CRACR2A: variants seen among roughly 807,000 people sequenced by gnomAD.
CRACR2A encodes EF-hand calcium-binding domain-containing protein 4B.
Under a neutral mutation model 90.5 loss-of-function variants are expected in CRACR2A, and 79 were observed. That is an observed-to-expected ratio of 0.87 (90% confidence interval 0.73 to 1.05). CRACR2A has a LOEUF of 1.05. Ranked by LOEUF, CRACR2A falls within the 50% of genes least tolerant of loss-of-function variation. CRACR2A has a pLI of 0.00. For synonymous variants in CRACR2A, 338 were observed against 356.7 expected, an observed-to-expected ratio of 0.95 and a Z score of 0.59; for missense variants, 823 against 897.2, an observed-to-expected ratio of 0.92 and a Z score of 1.06.
At chr12:3,637,026 CTAT>C (rs1944466862) in intron 14 of CRACR2A, among the ~76,000 whole-genome samples, 2 of 152,206 alleles carry the variant, frequency 1.3e-5, no homozygotes, top group African/African-American at 4.8e-5. Context: ...CTCGAGGGGC[CTAT>C]TCCGAGGCCT....
At chr12:3,659,734 C>T in intron 7 of CRACR2A, 80 bp from the exon 8 acceptor site, 1 of 1,139,874 alleles carries the variant, frequency 8.8e-7, no homozygotes, top group Non-Finnish European at 1.3e-6. Flanking sequence ...GACACCAGTT[C>T]CCCAACTCTG....
intron 1 of CRACR2A, among the ~76,000 whole-genome samples, chr12:3,735,736 A>C (rs1385337944): frequency 3.3e-5 from 5 of 152,120 alleles, no homozygotes; most frequent in African/African-American, 4.8e-5. Flanking sequence ...GGTGGTTCTC[A>C]CAGTGGCCGT....
chr12:3,634,222 C>T lies in CRACR2A; in HGVS notation c.1603-486G>A, dbSNP rs375464713. On this transcript the variant is annotated intron_variant, in intron 14 of 19. Coordinates refer to ENST00000440314, the MANE Select transcript of CRACR2A (RefSeq NM_001144958.2). ...CTTATCCACATCACAGGGACAGAGA[C>T]GTCCCAGGTTGGGACAGGGAGCTCC... is the stretch of plus-strand genomic sequence containing the variant. 1.3e-4 allele frequency among the ~76,000 whole-genome samples: 20 copies of T among 152,316 alleles called. No individual in the cohort carries two copies. The South Asian group carries it at 2.5e-3, about 19-fold the overall frequency.
At position 3,697,499 on chromosome 12, in the gene CRACR2A, A is replaced by C. The variant is rs74616123; in HGVS notation, c.-36-464T>G. Among the ~76,000 whole-genome samples the C allele has an allele frequency of 1.2e-3, 179 of 152,310 alleles. 4 individuals carry two copies. The East Asian group carries it at 0.033, about 28-fold the overall frequency. Reference sequence around the variant, plus strand: ...TAGCAGTGTGAAAACTGAGGCTCAGAGAGGTTGCGTGACTTGCCCAATATC... The same window carrying C: ...TAGCAGTGTGAAAACTGAGGCTCAGCGAGGTTGCGTGACTTGCCCAATATC... On this transcript the variant is annotated intron_variant, in intron 3 of 19. Coordinates refer to ENST00000440314, the MANE Select transcript of CRACR2A (RefSeq NM_001144958.2).
At chr12:3,696,434 T>A (rs952787819) in intron 4 of CRACR2A, among the ~76,000 whole-genome samples, 3 of 152,216 alleles carry the variant, frequency 2.0e-5, no homozygotes, top group African/African-American at 7.2e-5. Context: ...ACGACTTTGT[T>A]ATAACTCAAG....
chr12:3,669,984 G>A lies in CRACR2A; in HGVS notation c.671+3462C>T, dbSNP rs377755752. ...TAGAGGCTATGCTGCCCATGGCAACGCTGTCTAATGTTTCATTTGCAGGAG... is the reference window on the plus strand; with the variant it reads ...TAGAGGCTATGCTGCCCATGGCAACACTGTCTAATGTTTCATTTGCAGGAG... On this transcript the variant is annotated intron_variant, in intron 7 of 19. Coordinates refer to ENST00000440314, the MANE Select transcript of CRACR2A (RefSeq NM_001144958.2). 2.6e-5 allele frequency among the ~76,000 whole-genome samples: 4 copies of A among 152,354 alleles called. No homozygotes were observed. The East Asian group carries it at 7.7e-4, about 29-fold the overall frequency.
In CRACR2A at chr12:3,633,968, C is replaced by T. The variant is rs748307704; in HGVS notation, c.1603-232G>A. ...GAGGAAGGAGAAACAGCCACCCAAGCGACATTTGCTGTCTGCCTCCTGTGG... is the reference window on the plus strand; with the variant it reads ...GAGGAAGGAGAAACAGCCACCCAAGTGACATTTGCTGTCTGCCTCCTGTGG... On this transcript the variant is annotated intron_variant, in intron 14 of 19. Transcript: ENST00000440314. The surrounding 1 kb of genome is among the most constrained non-coding windows in gnomAD (Gnocchi z 4.5). Among the ~76,000 whole-genome samples, 20 of 152,196 alleles carry T rather than the reference C, an allele frequency of 1.3e-4. No individual in the cohort carries two copies. The highest frequency in any genetic ancestry group is 2.5e-4 in the Non-Finnish European group (17 of 68,034).
chr12:3,722,928 T>TGGA (rs1946205984), intron 2 of CRACR2A, among the ~76,000 whole-genome samples: 1 of 152,242 alleles, frequency 6.6e-6, no homozygotes, highest in Non-Finnish European at 1.5e-5. Context: ...CTTCATCTAT[T>TGGA]TCCTTACCCT....
chr12:3,737,629 A>G (rs1946466315), intron 1 of CRACR2A, among the ~76,000 whole-genome samples: 1 of 152,192 alleles, frequency 6.6e-6, no homozygotes, highest in Non-Finnish European at 1.5e-5. Context: ...AAGTAGGTGC[A>G]GGTAAAGAGA....
At chr12:3,714,024 A>G (rs1946045991) in intron 2 of CRACR2A, among the ~76,000 whole-genome samples, 1 of 152,240 alleles carries the variant, frequency 6.6e-6, no homozygotes, top group African/African-American at 2.4e-5. Context: ...GGGATTATCT[A>G]TTGTATAATG....
intron 4 of CRACR2A, among the ~76,000 whole-genome samples, chr12:3,688,625 T>C (rs1945604607): frequency 6.6e-6 from 1 of 152,252 alleles, no homozygotes; most frequent in Non-Finnish European, 1.5e-5. Flanking sequence ...GGTAATGTTA[T>C]GCCTCCAGCT....
intron 7 of CRACR2A, among the ~76,000 whole-genome samples, chr12:3,662,698 A>G (rs576338329): frequency 6.6e-6 from 1 of 152,358 alleles, no homozygotes; most frequent in South Asian, 2.1e-4. Context: ...AGTGCCTGTC[A>G]GACCAATCCA....
chr12:3,648,734 GCCT>G lies in CRACR2A; in HGVS notation c.1047-124_1047-122del, dbSNP rs780925541. ...GGATGGAGGGCATTGGAGGAACGTG[GCCT>G]CCTCCTGGAGAGCTCCTACAGTATG... On this transcript the variant is annotated intron_variant, in intron 10 of 19. Transcript: ENST00000440314. The G allele has an allele frequency of 8.0e-4, 1,114 of 1,388,764 alleles. 1 individual carries two copies. The highest frequency in any genetic ancestry group is 9.7e-4 in the Non-Finnish European group (998 of 1,032,138). The allele number at this position is 1,388,764 out of a possible 1,614,324, so 86.0% of individuals were successfully genotyped here.
chr12:3,663,247 G>A (rs776060640), intron 7 of CRACR2A, among the ~76,000 whole-genome samples: 8 of 151,666 alleles, frequency 5.3e-5, no homozygotes, highest in Non-Finnish European at 1.2e-4. Context: ...GGACCATTTC[G>A]AGGGAATACT....
At chr12:3,706,295 T>C (rs1284470996) in intron 3 of CRACR2A, among the ~76,000 whole-genome samples, 1 of 152,206 alleles carries the variant, frequency 6.6e-6, no homozygotes, top group African/African-American at 2.4e-5. Flanking sequence ...CTCACAGGGC[T>C]GCTCTCTCCA....
At chr12:3,731,795 C>A (rs1034317463) in intron 2 of CRACR2A, 2 of 152,208 alleles carry the variant, frequency 1.3e-5, no homozygotes, top group Non-Finnish European at 2.9e-5. Context: ...TGGAAACACA[C>A]ACACACAGGG....
At chr12:3,745,727 A>G (rs1000712923) in intron 1 of CRACR2A, among the ~76,000 whole-genome samples, 22 of 150,716 alleles carry the variant, frequency 1.5e-4, no homozygotes, top group African/African-American at 5.1e-4. Flanking sequence ...GCAGTGAGCC[A>G]AGATCATGCC....
chr12:3,639,489 T>C (rs2336393), intron 13 of CRACR2A, among the ~76,000 whole-genome samples: 112,490 of 141,534 alleles, frequency 0.79, 42,756 homozygotes, highest in East Asian at 0.96. Context: ...CATGCAAGCA[T>C]GCACACAGAC....
intron 2 of CRACR2A, chr12:3,727,329 G>A (rs1946287307): frequency 6.6e-6 from 1 of 152,098 alleles, no homozygotes; most frequent in East Asian, 1.9e-4. Context: ...TTTTGCAAGA[G>A]ATTTCTTATC....
Sources: gnomAD v4.1 joint callset for allele counts (sites outside exome capture counted in the v4.1 genomes callset) on GRCh38, gnomAD v4.1.1 for gene constraint, Gnocchi (gnomAD v3.1) non-coding constraint, MANE v1.5 for transcripts, NCBI Gene and HGNC (gene_info 2026-07-23, HGNC 2026-07-21) for gene names.